The following MBOAT1 variants were observed in gnomAD, a reference collection of about 807,000 sequenced individuals.
MBOAT1 encodes membrane bound glycerophospholipid O-acyltransferase 1.
A neutral mutation model predicts 64.4 loss-of-function variants in MBOAT1; 67 were observed. That is an observed-to-expected ratio of 1.04 (90% CI 0.85 to 1.27). The LOEUF (loss-of-function observed/expected upper bound fraction) is 1.27, where lower values mean the gene tolerates loss of function less well. Ranked by LOEUF, MBOAT1 falls within the 50% of genes most tolerant of loss-of-function variation. The pLI is 0.00. For missense variants in MBOAT1, 563 were observed against 604.6 expected, an observed-to-expected ratio of 0.93 and a Z score of 0.72; for synonymous variants, 229 against 218.9, an observed-to-expected ratio of 1.05 and a Z score of -0.41.
rs1761272804 is a variant in MBOAT1 at position 20,144,452 on chromosome 6, C to T, written c.324-137G>A. The T allele has an allele frequency of 6.6e-6, 4 of 606,202 alleles. No homozygotes were observed. The East Asian group carries it at 1.1e-4, about 17-fold the overall frequency. The allele number at this position is 606,202 out of a possible 1,614,324, so 37.6% of individuals were successfully genotyped here. ...TATCTGGTCTGACGACATCCCAGGC[C>T]ACCTTTCCACCCACTACTCTAGCTG... On this transcript the variant is annotated intron_variant, in intron 3 of 12. Coordinates refer to ENST00000324607, the MANE Select transcript of MBOAT1 (RefSeq NM_001080480.3).
chr6:20,149,659 G>T (rs889030297), intron 3 of MBOAT1, among the ~76,000 whole-genome samples: 3 of 152,154 alleles, frequency 2.0e-5, no homozygotes, highest in African/African-American at 7.2e-5. Context: ...GCACTGAGAA[G>T]AGAGATGATT....
intron 1 of MBOAT1, among the ~76,000 whole-genome samples, chr6:20,161,660 A>T (rs551618604): frequency 2.6e-5 from 4 of 152,302 alleles, no homozygotes; most frequent in African/African-American, 9.6e-5. Context: ...CACAGGAGGA[A>T]AATGAAGAAC....
At chr6:20,166,500 T>C (rs1762018384) in intron 1 of MBOAT1, among the ~76,000 whole-genome samples, 1 of 152,136 alleles carries the variant, frequency 6.6e-6, no homozygotes, top group Non-Finnish European at 1.5e-5. Context: ...ACTTCTCTCT[T>C]TGGGAGCCAG....
At chr6:20,179,923 T>C (rs1246097215) in intron 1 of MBOAT1, among the ~76,000 whole-genome samples, 1 of 28,242 alleles carries the variant, frequency 3.5e-5, no homozygotes, top group African/African-American at 1.6e-4. Context: ...GATGTTGAGC[T>C]TTTTTTCATA....
At chr6:20,161,236 G>A (rs555731375) in intron 1 of MBOAT1, among the ~76,000 whole-genome samples, 5 of 151,952 alleles carry the variant, frequency 3.3e-5, no homozygotes, top group African/African-American at 9.7e-5. Context: ...AGAATCGAAT[G>A]CCTTACGATC....
intron 8 of MBOAT1, among the ~76,000 whole-genome samples, chr6:20,121,721 A>G (rs1344854848): frequency 6.6e-6 from 1 of 152,140 alleles, no homozygotes; most frequent in Non-Finnish European, 1.5e-5. Flanking sequence ...AGAAAATGGG[A>G]GCAGGAGGAT....
intron 1 of MBOAT1, among the ~76,000 whole-genome samples, chr6:20,163,773 C>T (rs1308528492): frequency 6.6e-6 from 1 of 152,074 alleles, no homozygotes; most frequent in Admixed American, 6.6e-5. Context: ...TCTGATGATT[C>T]CCCAGCAGCC....
At chr6:20,208,809 G>A (rs1763336947) in intron 1 of MBOAT1, among the ~76,000 whole-genome samples, 1 of 152,280 alleles carries the variant, frequency 6.6e-6, no homozygotes, top group South Asian at 2.1e-4. Flanking sequence ...TTGCTGGTGG[G>A]CAGAATTTCC....
rs16883351 is a variant in MBOAT1, at chr6:20,102,659, G to A, written c.1362-247C>T. On this transcript the variant is annotated intron_variant, in intron 12 of 12. Coordinates refer to ENST00000324607, the MANE Select transcript of MBOAT1 (RefSeq NM_001080480.3). ...AACTGGCTCATCTGTGGATACACAC[G>A]GTACCGTCCCATTGACATAACAGGC... Among the ~76,000 whole-genome samples the A allele has an allele frequency of 1.0e-2, 1,518 of 152,132 alleles. 22 individuals carry two copies. Among genetic ancestry groups the A allele is most frequent in the African/African-American group, 0.035 (1,454 of 41,478 alleles).
chr6:20,156,045 G>C (rs1761667723), intron 1 of MBOAT1, among the ~76,000 whole-genome samples: 1 of 152,068 alleles, frequency 6.6e-6, no homozygotes, highest in African/African-American at 2.4e-5. Flanking sequence ...GAGGCGGGCA[G>C]ATCACGAGGT....
At chr6:20,192,953 T>C (rs571356239) in intron 1 of MBOAT1, among the ~76,000 whole-genome samples, 36 of 150,410 alleles carry the variant, frequency 2.4e-4, no homozygotes, top group African/African-American at 7.3e-5. Flanking sequence ...AACCTGGATC[T>C]GAAGCTTTGT....
intron 4 of MBOAT1, among the ~76,000 whole-genome samples, chr6:20,142,710 A>T (rs1280504565): frequency 6.6e-6 from 1 of 152,146 alleles, no homozygotes; most frequent in Non-Finnish European, 1.5e-5. Context: ...TCAGCCTCCC[A>T]AAGTGCTGGA....
At chr6:20,210,003 T>C (rs1763375061) in intron 1 of MBOAT1, among the ~76,000 whole-genome samples, 1 of 152,202 alleles carries the variant, frequency 6.6e-6, no homozygotes, top group Non-Finnish European at 1.5e-5. Flanking sequence ...CATCTCAACA[T>C]CCTTTGTTGA....
At position 20,133,575 on chromosome 6, in the gene MBOAT1, C is replaced by CA. The variant is rs200471227; in HGVS notation, c.420-2377dup. On this transcript the variant is annotated intron_variant, in intron 4 of 12. Transcript: ENST00000324607. ...GTCTCATTTTGCTCTTTCTGAATGA[C>CA]AAAAAAAACCTCTAGGAACCAGCCT... Among the ~76,000 whole-genome samples the CA allele has an allele frequency of 2.1e-3, 326 of 151,848 alleles. 1 individual carries two copies. The highest frequency in any genetic ancestry group is 6.8e-3 in the African/African-American group (280 of 41,406).
chr6:20,124,136 T>C (rs1015314457), intron 8 of MBOAT1, among the ~76,000 whole-genome samples: 8 of 152,170 alleles, frequency 5.3e-5, no homozygotes, highest in African/African-American at 1.9e-4. Flanking sequence ...CTTTGATTGG[T>C]AGAAGGAGAA....
At chr6:20,205,156 G>A (rs941146950) in intron 1 of MBOAT1, among the ~76,000 whole-genome samples, 5 of 152,020 alleles carry the variant, frequency 3.3e-5, no homozygotes, top group Non-Finnish European at 7.4e-5. Context: ...CCATGATCAA[G>A]CCAGTGTACT....
intron 1 of MBOAT1, among the ~76,000 whole-genome samples, chr6:20,158,015 G>T (rs1761745451): frequency 6.6e-6 from 1 of 151,944 alleles, no homozygotes; most frequent in Non-Finnish European, 1.5e-5. Context: ...AATTAGCCAG[G>T]CGTGATGGCA....
chr6:20,142,030 T>C (rs544076350), intron 4 of MBOAT1, among the ~76,000 whole-genome samples: 4 of 152,168 alleles, frequency 2.6e-5, no homozygotes, highest in South Asian at 4.2e-4. Flanking sequence ...ACCTAACATA[T>C]TGGCCACACA....
chr6:20,180,030 T>C (rs763403627), intron 1 of MBOAT1, among the ~76,000 whole-genome samples: 7 of 152,180 alleles, frequency 4.6e-5, no homozygotes, highest in African/African-American at 7.2e-5. Context: ...AGGTGTCTAG[T>C]AGGTACTGGG....
Sources: allele counts gnomAD v4.1 joint callset (sites outside exome capture counted in the v4.1 genomes callset), GRCh38; gene constraint gnomAD v4.1.1; transcripts MANE v1.5; gene names NCBI Gene and HGNC (gene_info 2026-07-23, HGNC 2026-07-21).